PRELID2: variants seen among roughly 807,000 people sequenced by gnomAD.
PRELID2 encodes PRELI domain-containing protein 2.
PRELID2 carries 25 observed loss-of-function variants against 28.4 expected under a neutral mutation model. The observed-to-expected ratio is 0.88, with a 90% confidence interval of 0.64 to 1.23. The LOEUF is 1.23. Among genes scored for constraint, PRELID2 ranks in the 50% most tolerant of loss-of-function variants. The probability of loss-of-function intolerance (pLI) is 0.00; values close to 1 mark genes in which losing one functional copy is unlikely to be tolerated. For synonymous variants in PRELID2, 76 were observed against 71.6 expected (o/e 1.06, Z -0.31); for missense variants, 201 against 214.4 (o/e 0.94, Z 0.39).
intron 2 of PRELID2, among the ~76,000 whole-genome samples, chr5:145,821,621 C>T (rs1304903909): frequency 1.3e-5 from 2 of 152,182 alleles, no homozygotes; most frequent in Admixed American, 1.3e-4. Flanking sequence ...GTAGTCCCAA[C>T]CCTTGATGCA....
In PRELID2 at chr5:145,749,859, C is replaced by T. The variant is rs375345917; in HGVS notation, n.70+15072G>A. Among the ~76,000 whole-genome samples, 22 of 152,126 alleles carry T rather than the reference C, an allele frequency of 1.4e-4. No homozygotes were observed. In the South Asian group the frequency reaches 4.6e-3, roughly 32 times the overall value. On this transcript the variant is annotated intron_variant and non_coding_transcript_variant, in intron 1 of 2. Transcript: ENST00000510259. ...AGCCAACATTCTCAGCAAACTAACA[C>T]AGGAACAGAAAACTAAACACCGTAT...
chr5:145,689,271 C>T (rs1581060085), intron 1 of PRELID2, among the ~76,000 whole-genome samples: 1 of 151,890 alleles, frequency 6.6e-6, no homozygotes, highest in Admixed American at 6.6e-5. Context: ...TCCAAGAGAC[C>T]TCCGTGAGGC....
the PRELID2 span, among the ~76,000 whole-genome samples, chr5:145,417,178 C>A: frequency 2.6e-5 from 4 of 152,008 alleles, no homozygotes; most frequent in African/African-American, 4.8e-5. Flanking sequence ...GACACATACA[C>A]CCTCCCAAGT....
chr5:145,318,442 A>G, the PRELID2 span, among the ~76,000 whole-genome samples: 1 of 152,226 alleles, frequency 6.6e-6, no homozygotes, highest in African/African-American at 2.4e-5. Flanking sequence ...ATAACTCACA[A>G]TCTAGACTAG....
intron 1 of PRELID2, among the ~76,000 whole-genome samples, chr5:145,663,853 A>T (rs1260940718): frequency 6.6e-6 from 1 of 152,086 alleles, no homozygotes; most frequent in African/African-American, 2.4e-5. Context: ...AGATTCCTAT[A>T]ATGTGCTCAG....
chr5:145,745,435 A>G (rs1368218449), intron 1 of PRELID2, among the ~76,000 whole-genome samples: 3 of 152,178 alleles, frequency 2.0e-5, no homozygotes, highest in Non-Finnish European at 4.4e-5. Flanking sequence ...GAAATGAAGG[A>G]AAAAATGTTA....
At chr5:145,292,599 C>CG in the PRELID2 span, among the ~76,000 whole-genome samples, 1 of 152,102 alleles carries the variant, frequency 6.6e-6, no homozygotes, top group African/African-American at 2.4e-5. Flanking sequence ...CAGTGAATAA[C>CG]GTAAGGGTGG....
chr5:145,740,829 TATATATTTATCGATAAATATATATGTAC>T (rs1367194082), intron 1 of PRELID2, among the ~76,000 whole-genome samples: 2 of 86,038 alleles, frequency 2.3e-5, no homozygotes, highest in Non-Finnish European at 4.2e-5. Flanking sequence ...TATATACAAA[TATATATTTATCGATAAATATATATGTAC>T]ATATATTTAT....
chr5:145,589,701 A>C (rs1753202372), intron 1 of PRELID2, among the ~76,000 whole-genome samples: 1 of 152,122 alleles, frequency 6.6e-6, no homozygotes, highest in African/African-American at 2.4e-5. Context: ...TTTATTGAAG[A>C]CATTTTTCTA....
chr5:145,524,880 T>C (rs966553082), intron 1 of PRELID2, among the ~76,000 whole-genome samples: 1 of 152,164 alleles, frequency 6.6e-6, no homozygotes, highest in Non-Finnish European at 1.5e-5. Context: ...TCTCACGGGT[T>C]TACTGTGAGA....
chr5:145,362,797 T>G, the PRELID2 span, among the ~76,000 whole-genome samples: 1 of 152,142 alleles, frequency 6.6e-6, no homozygotes, highest in South Asian at 2.1e-4. Context: ...GTGCTCATAT[T>G]CACATGGTGT....
chr5:145,424,458 G>A, the PRELID2 span, among the ~76,000 whole-genome samples: 914 of 152,276 alleles, frequency 6.0e-3, 12 homozygotes, highest in African/African-American at 0.02. Context: ...TTTTAAGCCC[G>A]TCGGAAAAGC....
At position 145,690,516 on chromosome 5, in the gene PRELID2, G is replaced by A. The variant is rs979775272; in HGVS notation, n.70+74415C>T. 2.0e-5 allele frequency among the ~76,000 whole-genome samples: 3 copies of A among 152,174 alleles called. No homozygotes were observed. In the South Asian group the frequency reaches 6.2e-4, roughly 31 times the overall value. On this transcript the variant is annotated intron_variant and non_coding_transcript_variant, in intron 1 of 2. Transcript: ENST00000510259. ...ATTAAAGAGTAGGGGAACTCCTGCAGCTACATGACAACCACAAGAGGCAAG... is the reference window on the plus strand; with the variant it reads ...ATTAAAGAGTAGGGGAACTCCTGCAACTACATGACAACCACAAGAGGCAAG...
In PRELID2 at chr5:145,790,041, T is replaced by C. The variant is rs146685497; in HGVS notation, c.474+6401A>G. ...GAGAAAAGGATGCCCTTGTACACTG[T>C]TGGTGGAAATGTAAATTGGTATACC... On this transcript the variant is annotated intron_variant, in intron 5 of 6. Transcript: ENST00000683046. Among the ~76,000 whole-genome samples the C allele has an allele frequency of 8.4e-4, 128 of 152,260 alleles. 3 individuals carry two copies. The East Asian group carries it at 0.021, about 25-fold the overall frequency.
chr5:145,318,068 G>A, the PRELID2 span, among the ~76,000 whole-genome samples: 1 of 152,144 alleles, frequency 6.6e-6, no homozygotes, highest in Non-Finnish European at 1.5e-5. Context: ...CTGTGGCACT[G>A]TATATTTGTC....
chr5:145,701,280 C>G (rs1345178625), intron 1 of PRELID2, among the ~76,000 whole-genome samples: 1 of 152,182 alleles, frequency 6.6e-6, no homozygotes, highest in African/African-American at 2.4e-5. Flanking sequence ...TGCACTGCCT[C>G]TCATTTGACC....
the PRELID2 span, among the ~76,000 whole-genome samples, chr5:145,389,037 C>A: frequency 6.6e-6 from 1 of 152,260 alleles, no homozygotes; most frequent in East Asian, 1.9e-4. Context: ...GTGACCAGCA[C>A]ATAATAGATG....
intron 1 of PRELID2, among the ~76,000 whole-genome samples, chr5:145,627,578 T>A (rs1428426706): frequency 6.6e-6 from 1 of 152,186 alleles, no homozygotes; most frequent in East Asian, 1.9e-4. Context: ...CCACCGCCAT[T>A]TCTCAGCAAA....
chr5:145,721,484 T>C (rs2149717677), intron 1 of PRELID2, among the ~76,000 whole-genome samples: 1 of 151,952 alleles, frequency 6.6e-6, no homozygotes, highest in Non-Finnish European at 1.5e-5. Context: ...CAAAAGAAAT[T>C]TTAAAAATTA....
Sources: allele counts gnomAD v4.1 joint callset (sites outside exome capture counted in the v4.1 genomes callset), GRCh38; gene constraint gnomAD v4.1.1; transcripts MANE v1.5; gene names NCBI Gene and HGNC (gene_info 2026-07-23, HGNC 2026-07-21).